DNAH12: variants seen among roughly 807,000 people sequenced by gnomAD.
The protein encoded by DNAH12 is dynein axonemal heavy chain 12, also known as axonemal beta dynein heavy chain 12.
DNAH12 carries 285 observed loss-of-function variants against 371.5 expected under a neutral mutation model. That is an observed-to-expected ratio of 0.77 (90% CI 0.70 to 0.85). DNAH12 has a LOEUF of 0.85. Ranked by LOEUF, DNAH12 falls within the 40% of genes least tolerant of loss-of-function variation. The probability of loss-of-function intolerance (pLI) is 0.00; values close to 1 mark genes in which losing one functional copy is unlikely to be tolerated. For missense variants in DNAH12, 3,611 were observed against 3,689.4 expected (o/e 0.98, Z 0.55); for synonymous variants, 1,200 against 1,213.0 (o/e 0.99, Z 0.22).
intron 22 of DNAH12, 72 bp from the exon 23 acceptor site, chr3:57,454,966 A>G: frequency 6.7e-7 from 1 of 1,496,372 alleles, no homozygotes; most frequent in Non-Finnish European, 8.9e-7. Context: ...CTAACAATAG[A>G]GAAATGTAAT....
Position 57,458,114 on chromosome 3 carries a change from C to T in DNAH12, c.3038G>A (p.Arg1013His), listed in dbSNP as rs745969998. Residue 1013 changes from arginine (R) to histidine (H), a missense_variant, in exon 21 of 74, where the codon CGT becomes CAT. Physicochemically the swap from Arg to His is conservative, Grantham distance 29. Around this residue, in one of 3 missense-constraint regions of DNAH12, gnomAD observed 1,314 missense variants for 1,398.7 expected, o/e 0.94. Coordinates refer to ENST00000495027, the MANE Select transcript of DNAH12 (RefSeq NM_001366028.2). ...TTTATCATACCGAGGGAAGAAAAGA[C>T]GTTTCTTTTCAAGATATGCGTTAAG... ...KGLNAYLEKK[R>H]LFFPRFFFLS... 2.2e-5 allele frequency: 34 copies of T among 1,544,758 alleles called. No individual in the cohort carries two copies. Among genetic ancestry groups the T allele is most frequent in the South Asian group, 9.8e-5 (8 of 81,910 alleles).
At chr3:57,519,582 C>G (rs2068333190) in intron 4 of DNAH12, 1 of 758,362 alleles carries the variant, frequency 1.3e-6, no homozygotes, top group Admixed American at 2.0e-5. Flanking sequence ...AAGTAATCCC[C>G]TGGAGTGTTC....
intron 71 of DNAH12, 117 bp downstream of exon 71, chr3:57,296,730 T>C (rs1290666053): frequency 1.3e-5 from 15 of 1,198,834 alleles, no homozygotes; most frequent in Non-Finnish European, 1.1e-5. Flanking sequence ...AAGACAAATA[T>C]TCTTACAACA....
chr3:57,429,360 G>A (rs941934713), intron 33 of DNAH12, among the ~76,000 whole-genome samples: 4 of 152,098 alleles, frequency 2.6e-5, no homozygotes, highest in African/African-American at 9.7e-5. Flanking sequence ...ATTTTTAGTA[G>A]AGATGGGGTT....
At chr3:57,351,416 C>CT (rs1553660197) in intron 60 of DNAH12, among the ~76,000 whole-genome samples, 1 of 152,178 alleles carries the variant, frequency 6.6e-6, no homozygotes, top group East Asian at 1.9e-4. Flanking sequence ...TTCTGGACAT[C>CT]TTCCCAACAG....
intron 2 of DNAH12, among the ~76,000 whole-genome samples, chr3:57,527,711 A>T (rs1207640209): frequency 6.6e-6 from 1 of 152,220 alleles, no homozygotes; most frequent in Non-Finnish European, 1.5e-5. Flanking sequence ...ATTCAACATG[A>T]GATTTCAGTG....
intron 4 of DNAH12, 83 bp from the exon 5 acceptor site, chr3:57,511,062 C>T: frequency 1.0e-6 from 1 of 961,592 alleles, no homozygotes; most frequent in South Asian, 2.7e-5. Context: ...CCTAAGACAA[C>T]ATTTTTTCAG....
chr3:57,387,710 G>C (rs1221915971), intron 45 of DNAH12, among the ~76,000 whole-genome samples: 1 of 152,150 alleles, frequency 6.6e-6, no homozygotes, highest in Non-Finnish European at 1.5e-5. Flanking sequence ...AGACTTCAGG[G>C]AAGACTTTTT....
rs1224406063 is a variant in DNAH12 at position 57,413,783 on chromosome 3, T to C, written c.5983A>G (p.Ile1995Val). Residue 1995 changes from isoleucine (I) to valine (V), a missense_variant, in exon 39 of 74, where the codon ATT becomes GTT. By Grantham distance (29) the Ile-to-Val change is conservative. Transcript: ENST00000495027. ...TCAAAAAACTGTCGTAATAATTCAA[T>C]AGGTGGTTGAGCTCCATACTTCTCC... ...ALEKYGAQPP[I>V]ELLRQFFDCG... 3.2e-6 allele frequency: 5 copies of C among 1,551,020 alleles called. No individual in the cohort carries two copies. Among genetic ancestry groups the C allele is most frequent in the Admixed American group, 2.0e-5 (1 of 50,944 alleles).
chr3:57,336,567 A>G (rs2062226852), intron 60 of DNAH12, among the ~76,000 whole-genome samples: 1 of 152,228 alleles, frequency 6.6e-6, no homozygotes, highest in South Asian at 2.1e-4. Context: ...AAGTAGACCT[A>G]CACTACAAGA....
chr3:57,323,966 GC>G (rs1159494801), intron 62 of DNAH12, among the ~76,000 whole-genome samples: 10 of 152,150 alleles, frequency 6.6e-5, no homozygotes, highest in Admixed American at 6.5e-4. Context: ...AGTTTTCCTG[GC>G]ATTTCTTGCA....
chr3:57,554,082 G>A, the DNAH12 span, among the ~76,000 whole-genome samples: 3 of 151,162 alleles, frequency 2.0e-5, no homozygotes, highest in South Asian at 6.2e-4. Context: ...TAGAGACGGC[G>A]TTTTAACATA....
rs976879144 is a variant in DNAH12 at position 57,446,778 on chromosome 3, C to G, written c.3787-89G>C. ...GTTTACCAAATGGATTTAGCCTGTT[C>G]TGTAGCTTCAGAGAAGCCATTATAT... On this transcript the variant is annotated intron_variant, in intron 25 of 73. Transcript: ENST00000495027. 6 of 1,252,148 alleles carry G rather than the reference C, an allele frequency of 4.8e-6. No homozygotes were observed. The Admixed American group carries it at 1.4e-4, about 30-fold the overall frequency. The allele number at this position is 1,252,148 out of a possible 1,614,324, so 77.6% of individuals were successfully genotyped here.
At chr3:57,481,674 T>G (rs1435623320) in intron 13 of DNAH12, among the ~76,000 whole-genome samples, 1 of 152,150 alleles carries the variant, frequency 6.6e-6, no homozygotes, top group East Asian at 1.9e-4. Context: ...CAAACTGTAC[T>G]ACAAGGCTAC....
intron 50 of DNAH12, among the ~76,000 whole-genome samples, chr3:57,380,769 C>CACAT (rs2063373784): frequency 6.6e-6 from 1 of 152,146 alleles, no homozygotes; most frequent in Non-Finnish European, 1.5e-5. Context: ...CCAGCTTAAT[C>CACAT]ACATACTTTC....
chr3:57,542,547 CATTACA>C (rs569827391), intron 2 of DNAH12, among the ~76,000 whole-genome samples, 148 bp downstream of exon 2: 40 of 152,278 alleles, frequency 2.6e-4, no homozygotes, highest in African/African-American at 9.6e-4. Context: ...TATTTGCTAC[CATTACA>C]ATTACTTTTC....
At chr3:57,320,094 C>A (rs559074644) in intron 65 of DNAH12, among the ~76,000 whole-genome samples, 1 of 152,206 alleles carries the variant, frequency 6.6e-6, no homozygotes, top group East Asian at 1.9e-4. Context: ...TGTTCTTGAG[C>A]CTTACTTCAA....
At chr3:57,438,117 C>T (rs557786182) in intron 29 of DNAH12, among the ~76,000 whole-genome samples, 13 of 151,914 alleles carry the variant, frequency 8.6e-5, no homozygotes, top group Middle Eastern at 3.4e-3. Context: ...AAGACCAGCC[C>T]GCCCAACATG....
intron 8 of DNAH12, among the ~76,000 whole-genome samples, chr3:57,505,957 G>C (rs906049248): frequency 1.3e-5 from 2 of 151,718 alleles, no homozygotes; most frequent in African/African-American, 4.8e-5. Context: ...TGTTTCCCAA[G>C]CTGGTCTTGA....
Sources: allele counts gnomAD v4.1 joint callset (sites outside exome capture counted in the v4.1 genomes callset), GRCh38; gene constraint gnomAD v4.1.1; regional missense constraint gnomAD v4.1.1; transcripts MANE v1.5; gene names NCBI Gene and HGNC (gene_info 2026-07-23, HGNC 2026-07-21).